Variants in RFX7 observed in about 807,000 individuals in gnomAD.
RFX7 encodes the protein regulatory factor X7.
A neutral mutation model predicts 111.8 loss-of-function variants in RFX7; 26 were observed. The ratio of observed to expected loss-of-function variants is 0.23; its 90% CI spans 0.17 to 0.32. The LOEUF is 0.32. Among genes scored for constraint, RFX7 ranks in the 10% least tolerant of loss-of-function variants. RFX7 has a pLI of 1.00. For missense variants in RFX7, 1,573 were observed against 1,772.9 expected (o/e 0.89, Z 2.02); for synonymous variants, 624 against 624.4 (o/e 1.00, Z 0.01).
rs534525685 is a variant in RFX7 at position 56,089,426 on chromosome 15, A to G, written c.*3919T>C. 2 of 152,032 alleles carry G rather than the reference A, an allele frequency of 1.3e-5. No individual in the cohort carries two copies. The highest frequency in any genetic ancestry group is 3.9e-4 in the East Asian group (2 of 5,144). The allele number at this position is 152,032 out of a possible 1,614,324, so 9.4% of individuals were successfully genotyped here. A position where few individuals can be genotyped will look rare whatever the true frequency, so the allele number is the denominator to read the frequency against. Reference sequence around the variant, plus strand: ...AATGAACCATTGAATGAACCCTTGAACCTCCTATCTCCACTATTATTAAGC... The same window carrying G: ...AATGAACCATTGAATGAACCCTTGAGCCTCCTATCTCCACTATTATTAAGC... On this transcript the variant is annotated 3_prime_UTR_variant, in exon 10 of 10. Coordinates refer to ENST00000559447, the MANE Select transcript of RFX7 (RefSeq NM_022841.7).
chr15:56,195,502 T>C (rs1209242760), intron 2 of RFX7, among the ~76,000 whole-genome samples: 1 of 152,164 alleles, frequency 6.6e-6, no homozygotes, highest in Non-Finnish European at 1.5e-5. Flanking sequence ...ATCAATTCTG[T>C]TTCTCTCTGT....
At chr15:56,197,873 C>T (rs1377517083) in intron 2 of RFX7, among the ~76,000 whole-genome samples, 6 of 152,148 alleles carry the variant, frequency 3.9e-5, no homozygotes, top group African/African-American at 1.4e-4. Flanking sequence ...TTAAGTGCAT[C>T]TGGGCACTGA....
In RFX7 at chr15:56,096,051, A is replaced by G. The variant is rs780977508; in HGVS notation, c.1677T>C (p.Ala559=). 1.7e-5 allele frequency: 27 copies of G among 1,613,300 alleles called. No individual in the cohort carries two copies. Among genetic ancestry groups the G allele is most frequent in the Non-Finnish European group, 2.2e-5 (26 of 1,179,600 alleles). Reference sequence around the variant, plus strand: ...GGGCACTAGGTGTCTGGGGAGCTTTAGCCTCATCAGAGTTCTCTTGGCACT... The same window carrying G: ...GGGCACTAGGTGTCTGGGGAGCTTTGGCCTCATCAGAGTTCTCTTGGCACT... The part of the protein sequence containing the change: ...PVQCQENSDE[A]KAPQTPSALL... The change falls in exon 10 of 10, where the codon GCT becomes GCC. Residue 559 remains alanine, a synonymous_variant. Transcript: ENST00000559447.
At chr15:56,128,406 A>G (rs573483810) in intron 5 of RFX7, among the ~76,000 whole-genome samples, 2 of 152,372 alleles carry the variant, frequency 1.3e-5, no homozygotes, top group African/African-American at 4.8e-5. Flanking sequence ...GATTTATCCC[A>G]GAAATGCATG....
chr15:56,181,780 T>G (rs1424529972), intron 2 of RFX7, among the ~76,000 whole-genome samples: 2 of 151,760 alleles, frequency 1.3e-5, no homozygotes, highest in Non-Finnish European at 2.9e-5. Context: ...ACAAACAACT[T>G]GGTAAACCTC....
At chr15:56,170,499 A>C (rs1438831376) in intron 3 of RFX7, among the ~76,000 whole-genome samples, 1 of 152,134 alleles carries the variant, frequency 6.6e-6, no homozygotes, top group African/African-American at 2.4e-5. Context: ...ATCTGATACC[A>C]GTAGAACTCA....
chr15:56,101,104 A>G (rs999034444), intron 8 of RFX7, among the ~76,000 whole-genome samples: 1 of 152,206 alleles, frequency 6.6e-6, no homozygotes, highest in East Asian at 1.9e-4. Context: ...AATTAATAAC[A>G]TATCAGCTGG....
intron 5 of RFX7, among the ~76,000 whole-genome samples, chr15:56,140,348 C>T (rs533691199): frequency 6.6e-6 from 1 of 151,624 alleles, no homozygotes; most frequent in Non-Finnish European, 1.5e-5. Context: ...GTCGGAAAAG[C>T]GCAGTATTCG....
At chr15:56,236,700 A>C (rs886188364) in intron 2 of RFX7, among the ~76,000 whole-genome samples, 3 of 152,168 alleles carry the variant, frequency 2.0e-5, no homozygotes, top group Admixed American at 2.0e-4. Flanking sequence ...ATATAATTGA[A>C]TCTACAATAT....
At position 56,094,824 on chromosome 15, in the gene RFX7, C is replaced by A. The variant is rs1284960055; in HGVS notation, c.2904G>T (p.Met968Ile). 1 of 1,576,546 alleles carries A rather than the reference C, an allele frequency of 6.3e-7. No individual in the cohort carries two copies. Among genetic ancestry groups the A allele is most frequent in the Non-Finnish European group, 8.6e-7 (1 of 1,160,850 alleles). ...PTPTPTPTSE[M>I]IAGSQSLSRE... ...GTGACAGACTCTGAGATCCAGCAAT[C>A]ATTTCAGATGTCGGGGTTGGGGTTG... The change falls in exon 10 of 10, where the codon ATG becomes ATT. Residue 968 changes from methionine (M) to isoleucine (I), a missense_variant. Met to Ile is a conservative substitution (Grantham distance 10). Coordinates refer to ENST00000559447, the MANE Select transcript of RFX7 (RefSeq NM_022841.7).
intron 5 of RFX7, among the ~76,000 whole-genome samples, chr15:56,120,294 A>C (rs1398977317): frequency 6.6e-6 from 1 of 152,076 alleles, no homozygotes; most frequent in Non-Finnish European, 1.5e-5. Context: ...TTTCTTTTTC[A>C]GATTGTTCAC....
chr15:56,178,253 C>T (rs1213165530), intron 3 of RFX7, among the ~76,000 whole-genome samples: 1 of 151,100 alleles, frequency 6.6e-6, no homozygotes. Flanking sequence ...AAAACACCTC[C>T]ACAAAGTCCT....
intron 2 of RFX7, among the ~76,000 whole-genome samples, chr15:56,185,547 C>T (rs951662467): frequency 6.6e-6 from 1 of 152,084 alleles, no homozygotes; most frequent in Non-Finnish European, 1.5e-5. Context: ...TTTTTGCCTT[C>T]TTAACTCTAA....
chr15:56,183,418 T>C (rs1254135499), intron 2 of RFX7, among the ~76,000 whole-genome samples: 1 of 152,200 alleles, frequency 6.6e-6, no homozygotes, highest in Non-Finnish European at 1.5e-5. Flanking sequence ...TTTTCTCATT[T>C]TGATCTTTAA....
Position 56,111,248 on chromosome 15 carries a change from C to T in RFX7, c.402-7578G>A, listed in dbSNP as rs1254424267. On this transcript the variant is annotated intron_variant, in intron 5 of 9. Transcript: ENST00000559447. Reference sequence around the variant, plus strand: ...AAAGATTGAGAAATCGGATGGTTGCCGTGTCTGTGTAGAAAGAGGTAGACA... The same window carrying T: ...AAAGATTGAGAAATCGGATGGTTGCTGTGTCTGTGTAGAAAGAGGTAGACA... Among the ~76,000 whole-genome samples, 10 of 149,676 alleles carry T rather than the reference C, an allele frequency of 6.7e-5. 1 individual carries two copies. Among genetic ancestry groups the T allele is most frequent in the East Asian group, 4.1e-4 (2 of 4,892 alleles).
intron 8 of RFX7, among the ~76,000 whole-genome samples, chr15:56,099,487 A>T (rs1595922611): frequency 6.6e-6 from 1 of 152,064 alleles, no homozygotes; most frequent in East Asian, 1.9e-4. Flanking sequence ...CAGCACCTGC[A>T]CTCTGGAGAG....
chr15:56,150,075 A>G (rs1172790116), intron 3 of RFX7, among the ~76,000 whole-genome samples: 3 of 152,154 alleles, frequency 2.0e-5, no homozygotes, highest in African/African-American at 7.2e-5. Context: ...AAGCTTGAGT[A>G]GGCAGTTTCA....
chr15:56,108,376 G>A (rs2041859911), intron 5 of RFX7, among the ~76,000 whole-genome samples: 1 of 152,078 alleles, frequency 6.6e-6, no homozygotes, highest in African/African-American at 2.4e-5. Flanking sequence ...TTCATCCCTG[G>A]GAAGCAAGGT....
chr15:56,111,651 AT>A (rs1482464695), intron 5 of RFX7, among the ~76,000 whole-genome samples: 1 of 147,352 alleles, frequency 6.8e-6, no homozygotes, highest in Non-Finnish European at 1.5e-5. Flanking sequence ...CAATAAAAAA[AT>A]AAATAAACCA....
Sources: allele counts gnomAD v4.1 joint callset (sites outside exome capture counted in the v4.1 genomes callset), GRCh38; gene constraint gnomAD v4.1.1; transcripts MANE v1.5; gene names NCBI Gene and HGNC (gene_info 2026-07-23, HGNC 2026-07-21).